GAP43: variants seen among roughly 807,000 people sequenced by gnomAD.
GAP43 encodes neuromodulin.
In GAP43, 6 loss-of-function variants were observed where a neutral mutation model predicts 18.6. That is an observed-to-expected ratio of 0.32 (90% CI 0.18 to 0.64). GAP43 has a LOEUF of 0.64. GAP43 is among the 30% of genes least tolerant of loss of function. The pLI, the probability that GAP43 is intolerant of heterozygous loss-of-function variation, is 0.78. For missense variants in GAP43, 292 were observed against 295.5 expected (o/e 0.99, Z 0.09); for synonymous variants, 115 against 111.4 (o/e 1.03, Z -0.20).
At chr3:115,651,656 A>G (rs115224545) in intron 1 of GAP43, among the ~76,000 whole-genome samples, 2,590 of 152,332 alleles carry the variant, frequency 0.017, 40 homozygotes, top group Middle Eastern at 0.037. Context: ...ACACCTCAAA[A>G]GCATATAGTA....
chr3:115,680,497 T>C (rs1708948193), intron 2 of GAP43, among the ~76,000 whole-genome samples: 1 of 152,138 alleles, frequency 6.6e-6, no homozygotes, highest in Non-Finnish European at 1.5e-5. Flanking sequence ...CAAGATGTAC[T>C]CTTTTGACCT....
At chr3:115,720,684 C>A in intron 2 of GAP43, 110 bp from the exon 3 acceptor site, 1 of 666,058 alleles carries the variant, frequency 1.5e-6, no homozygotes, top group Non-Finnish European at 2.6e-6. Flanking sequence ...TCTTAATGCT[C>A]TTATGAAATG....
chr3:115,696,567 T>TCCC (rs1418299087), intron 2 of GAP43, among the ~76,000 whole-genome samples: 1 of 108,890 alleles, frequency 9.2e-6, no homozygotes, highest in African/African-American at 4.6e-5. Flanking sequence ...ATTTCCTTGC[T>TCCC]GCCCCCCACC....
intron 2 of GAP43, among the ~76,000 whole-genome samples, chr3:115,714,420 T>G (rs898923812): frequency 2.6e-5 from 4 of 152,136 alleles, no homozygotes; most frequent in Admixed American, 2.6e-4. Flanking sequence ...GGTTACAGCT[T>G]TCTATCAGAT....
intron 2 of GAP43, among the ~76,000 whole-genome samples, chr3:115,684,431 T>C (rs182396995): frequency 6.6e-6 from 1 of 152,174 alleles, no homozygotes; most frequent in South Asian, 2.1e-4. Context: ...AATTTAGATA[T>C]GTTTAAGCAC....
chr3:115,675,975 A>G lies in GAP43; in HGVS notation c.31-38A>G, dbSNP rs368706256. On this transcript the variant is annotated intron_variant, in intron 1 of 2. Transcript: ENST00000305124. ...CTGAGATTTAAAGGAGAAGAATGTC[A>G]TTGAAGCCCTCTCTTTTCCCTTCTT... is the stretch of plus-strand genomic sequence containing the variant. 2.5e-5 allele frequency: 39 copies of G among 1,555,704 alleles called. No homozygotes were observed. The African/African-American group carries it at 4.1e-4, about 16-fold the overall frequency.
rs199967005 is a variant in GAP43, at chr3:115,720,905, A to G, written c.*23A>G. On this transcript the variant is annotated 3_prime_UTR_variant, in exon 3 of 3. Transcript: ENST00000305124. Reference sequence around the variant, plus strand: ...TGAACTCTAAGAAATGGCTTTCCACATCCCCACCCTCCCCTCTCCTGAGCC... The same window carrying G: ...TGAACTCTAAGAAATGGCTTTCCACGTCCCCACCCTCCCCTCTCCTGAGCC... 2.0e-4 allele frequency: 299 copies of G among 1,528,920 alleles called. 3 individuals are homozygous for G. The African/African-American group carries it at 3.7e-3, about 19-fold the overall frequency. 94.7% of individuals were successfully genotyped at this position (1,528,920 alleles called of 1,614,324 possible).
At chr3:115,667,788 G>A (rs1708752918) in intron 1 of GAP43, among the ~76,000 whole-genome samples, 2 of 152,148 alleles carry the variant, frequency 1.3e-5, no homozygotes, top group South Asian at 2.1e-4. Flanking sequence ...CTCTTCTTCT[G>A]TCTTCAGTTG....
rs1247425356 is a variant in GAP43, at chr3:115,658,595, GGCGTGGC to G, written c.31-17414_31-17408del. ...GCCGCTGAGACCCTGGGGACCGCAG[GGCGTGGC>G]GCGGCCTCCGCCCGCTGCACGGAGA... On this transcript the variant is annotated intron_variant, in intron 1 of 2. Transcript: ENST00000305124. The G allele has an allele frequency of 2.0e-4, 31 of 152,242 alleles. No homozygotes were observed. In the East Asian group the frequency reaches 5.8e-3, roughly 29 times the overall value. 9.4% of individuals were successfully genotyped at this position (152,242 alleles called of 1,614,324 possible).
chr3:115,674,250 T>A (rs181437772), intron 1 of GAP43, among the ~76,000 whole-genome samples: 7 of 152,354 alleles, frequency 4.6e-5, no homozygotes, highest in Non-Finnish European at 1.0e-4. Context: ...TTCTTTGCTG[T>A]TATTTCTGCT....
intron 2 of GAP43, among the ~76,000 whole-genome samples, chr3:115,682,860 G>A (rs1049082656): frequency 1.6e-4 from 25 of 152,086 alleles, no homozygotes; most frequent in Non-Finnish European, 2.9e-4. Flanking sequence ...AAAAAAGTAA[G>A]CAGACAAAAG....
chr3:115,703,163 A>AATAT (rs1295998945), intron 2 of GAP43, among the ~76,000 whole-genome samples: 2 of 152,130 alleles, frequency 1.3e-5, no homozygotes, highest in African/African-American at 4.8e-5. Flanking sequence ...TATGAAATCA[A>AATAT]GGAGAACACT....
intron 2 of GAP43, among the ~76,000 whole-genome samples, chr3:115,707,872 C>G (rs1463596541): frequency 6.6e-6 from 1 of 151,900 alleles, no homozygotes; most frequent in Non-Finnish European, 1.5e-5. Context: ...TTTGCTATTT[C>G]CTTTGATCAT....
rs539102548 is a variant in GAP43, at chr3:115,686,895, C to T, written c.628+10285C>T. On this transcript the variant is annotated intron_variant, in intron 2 of 2. Coordinates refer to ENST00000305124, the MANE Select transcript of GAP43 (RefSeq NM_002045.4). ...ATACTAATTTTTAGTGAGAAAGATGCTTTTCGTGCTAGGAGGAACATTGTG... is the reference window on the plus strand; with the variant it reads ...ATACTAATTTTTAGTGAGAAAGATGTTTTTCGTGCTAGGAGGAACATTGTG... Among the ~76,000 whole-genome samples, 4 of 152,256 alleles carry T rather than the reference C, an allele frequency of 2.6e-5. No individual in the cohort carries two copies. In the East Asian group the frequency reaches 7.7e-4, roughly 29 times the overall value.
chr3:115,700,750 T>C (rs1192038151), intron 2 of GAP43, among the ~76,000 whole-genome samples: 1 of 152,204 alleles, frequency 6.6e-6, no homozygotes, highest in African/African-American at 2.4e-5. Context: ...ATTCTCCCTC[T>C]GAAATCTCAT....
intron 2 of GAP43, among the ~76,000 whole-genome samples, chr3:115,706,426 C>T (rs1709363694): frequency 6.6e-6 from 1 of 152,144 alleles, no homozygotes. Context: ...TGGCCTTTTA[C>T]TCATTCAGTA....
chr3:115,712,824 C>T (rs536185527), intron 2 of GAP43, among the ~76,000 whole-genome samples: 2 of 152,268 alleles, frequency 1.3e-5, no homozygotes, highest in South Asian at 4.1e-4. Context: ...ACTGAGACCC[C>T]ATCATGCTGC....
At chr3:115,679,722 C>G (rs1245289696) in intron 2 of GAP43, among the ~76,000 whole-genome samples, 1 of 152,126 alleles carries the variant, frequency 6.6e-6, no homozygotes, top group Non-Finnish European at 1.5e-5. Flanking sequence ...TTGATTTTCC[C>G]CAGTAGAGGA....
Position 115,718,451 on chromosome 3 carries a change from G to GTAAT in GAP43, c.629-2341_629-2338dup, listed in dbSNP as rs1319926293. On this transcript the variant is annotated intron_variant, in intron 2 of 2. Coordinates refer to ENST00000305124, the MANE Select transcript of GAP43 (RefSeq NM_002045.4). ...ACCTCATTAGCACACCAAAATTTTTGTAATTCCTGAGGAATACTGCTGATG... is the reference window on the plus strand; with the variant it reads ...ACCTCATTAGCACACCAAAATTTTTGTAATTAATTCCTGAGGAATACTGCTGATG... Among the ~76,000 whole-genome samples, 5 of 152,256 alleles carry GTAAT rather than the reference G, an allele frequency of 3.3e-5. No homozygotes were observed. In the East Asian group the frequency reaches 9.7e-4, roughly 29 times the overall value.
Sources: gnomAD v4.1 joint callset for allele counts (sites outside exome capture counted in the v4.1 genomes callset) on GRCh38, gnomAD v4.1.1 for gene constraint, MANE v1.5 for transcripts, NCBI Gene and HGNC (gene_info 2026-07-23, HGNC 2026-07-21) for gene names.